PHF20: variants seen among roughly 807,000 people sequenced by gnomAD.
PHF20 encodes the protein PHD finger protein 20.
Under a neutral mutation model 113.5 loss-of-function variants are expected in PHF20, and 23 were observed. The observed-to-expected ratio is 0.20, with a 90% CI of 0.15 to 0.29. The LOEUF is 0.29. PHF20 is among the 10% of genes least tolerant of loss of function. The pLI, the probability that PHF20 is intolerant of heterozygous loss-of-function variation, is 1.00. For missense variants in PHF20, 943 were observed against 1,219.6 expected (o/e 0.77, Z 3.38); for synonymous variants, 434 against 457.3 (o/e 0.95, Z 0.65).
chr20:35,873,398 G>C (rs928988610), intron 9 of PHF20, among the ~76,000 whole-genome samples: 2 of 151,574 alleles, frequency 1.3e-5, no homozygotes, highest in South Asian at 2.1e-4. Flanking sequence ...ACTATTTCTG[G>C]CCTAAATGTA....
At chr20:35,802,938 GA>G (rs768194320) in intron 2 of PHF20, among the ~76,000 whole-genome samples, 1,390 of 69,148 alleles carry the variant, frequency 0.02, 13 homozygotes, top group African/African-American at 0.057. Context: ...GACTCGGTCT[GA>G]AAAAAAAAAA....
rs1172669794 is a variant in PHF20, at chr20:35,904,793, C to CCTTCCTTCCTTCCTTCCTTCCTTCCTTG, written c.1561+5156_1561+5157insCCTTCCTTCCTTCCTTGCTTCCTTCCTT. On this transcript the variant is annotated intron_variant, in intron 10 of 17. Coordinates refer to ENST00000374012, the MANE Select transcript of PHF20 (RefSeq NM_016436.5). ...TCCTTCCTTCCTTCCTTCCTTCCTT[C>CCTTCCTTCCTTCCTTCCTTCCTTCCTTG]CTTCCTTCCTTTCTTTTCTTTCTTT... Among the ~76,000 whole-genome samples, 23 of 150,138 alleles carry CCTTCCTTCCTTCCTTCCTTCCTTCCTTG rather than the reference C, an allele frequency of 1.5e-4. 1 individual carries two copies. Among genetic ancestry groups the CCTTCCTTCCTTCCTTCCTTCCTTCCTTG allele is most frequent in the African/African-American group, 5.6e-4 (23 of 40,718 alleles).
At chr20:35,777,345 T>G (rs1398588900) in intron 1 of PHF20, among the ~76,000 whole-genome samples, 1 of 152,232 alleles carries the variant, frequency 6.6e-6, no homozygotes, top group East Asian at 1.9e-4. Flanking sequence ...AGCAGGTTGT[T>G]TGCCTTTGGC....
At chr20:35,846,261 C>G (rs1292598321) in intron 3 of PHF20, among the ~76,000 whole-genome samples, 2 of 151,744 alleles carry the variant, frequency 1.3e-5, no homozygotes, top group African/African-American at 4.8e-5. Flanking sequence ...CTCACTGCAA[C>G]CTCCACCTCC....
intron 9 of PHF20, among the ~76,000 whole-genome samples, chr20:35,875,952 C>T (rs1425046879): frequency 6.6e-6 from 1 of 152,078 alleles, no homozygotes; most frequent in Non-Finnish European, 1.5e-5. Flanking sequence ...TGTTAGCTAA[C>T]CTAATTATGT....
chr20:35,949,753 A>C lies in PHF20; in HGVS notation c.*2126A>C, dbSNP rs2056145586. 1 of 152,644 alleles carries C rather than the reference A, an allele frequency of 6.6e-6. No individual in the cohort carries two copies. Among genetic ancestry groups the C allele is most frequent in the Non-Finnish European group, 1.5e-5 (1 of 68,042 alleles). 9.5% of individuals were successfully genotyped at this position (152,644 alleles called of 1,614,324 possible). ...TTTGCAAACATTGCTGTTACCATTT[A>C]GAAATATGTGCACTATCAGCTGGGT... On this transcript the variant is annotated 3_prime_UTR_variant, in exon 18 of 18. Transcript: ENST00000374012.
intron 1 of PHF20, among the ~76,000 whole-genome samples, chr20:35,791,970 A>G (rs2041565034): frequency 6.6e-6 from 1 of 152,170 alleles, no homozygotes; most frequent in Non-Finnish European, 1.5e-5. Context: ...CATACAGCAG[A>G]TACATTTTAG....
chr20:35,813,154 T>C (rs547085750), intron 2 of PHF20, among the ~76,000 whole-genome samples: 1 of 152,014 alleles, frequency 6.6e-6, no homozygotes, highest in South Asian at 2.1e-4. Context: ...TATTTTTTAG[T>C]AGAGACTGGG....
At chr20:35,836,857 A>C (rs981990698) in intron 2 of PHF20, among the ~76,000 whole-genome samples, 4 of 151,628 alleles carry the variant, frequency 2.6e-5, no homozygotes, top group East Asian at 2.0e-4. Context: ...AAAAAAAAAA[A>C]AAAACTTTTA....
At chr20:35,901,969 T>C in intron 10 of PHF20, among the ~76,000 whole-genome samples, 1 of 123,518 alleles carries the variant, frequency 8.1e-6, no homozygotes, top group Non-Finnish European at 1.8e-5. Flanking sequence ...TGTGTAAACC[T>C]GAGTTCTTGT....
intron 9 of PHF20, among the ~76,000 whole-genome samples, chr20:35,885,114 A>T (rs1191587704): frequency 6.6e-6 from 1 of 152,176 alleles, no homozygotes; most frequent in South Asian, 2.1e-4. Context: ...GATTACAGGC[A>T]TGAGCCACCA....
intron 10 of PHF20, among the ~76,000 whole-genome samples, chr20:35,902,499 A>G (rs1050684742): frequency 1.2e-4 from 19 of 152,160 alleles, no homozygotes; most frequent in Non-Finnish European, 2.2e-4. Context: ...GCTAGGACAT[A>G]GTGCCTCTGC....
At chr20:35,772,262 G>A (rs920128958) in intron 1 of PHF20, among the ~76,000 whole-genome samples, 183 bp downstream of exon 1, 5 of 151,880 alleles carry the variant, frequency 3.3e-5, no homozygotes, top group Non-Finnish European at 7.4e-5. Flanking sequence ...CTGCTGCTGA[G>A]AGCGTGGCGG....
Position 35,871,757 on chromosome 20 carries a change from A to G in PHF20, c.1210A>G (p.Met404Val), listed in dbSNP as rs200469725. Reference sequence around the variant, plus strand: ...AGGCTTGGAGTTGAACTGCCCATCAATGGGAGAAAACACGATGAAAACAGA... The same window carrying G: ...AGGCTTGGAGTTGAACTGCCCATCAGTGGGAGAAAACACGATGAAAACAGA... ...AAGLELNCPS[M>V]GENTMKTEPT... Residue 404 changes from methionine (M) to valine (V), a missense_variant, in exon 9 of 18, where the codon ATG (methionine) becomes GTG (valine). Physicochemically the swap from Met to Val is conservative, Grantham distance 21. Around this residue, in one of 3 missense-constraint regions of PHF20, gnomAD observed 592 missense variants for 787.2 expected, o/e 0.75. Coordinates refer to ENST00000374012, the MANE Select transcript of PHF20 (RefSeq NM_016436.5). 6.5e-4 allele frequency: 1,056 copies of G among 1,613,882 alleles called. No homozygotes were observed. The highest frequency in any genetic ancestry group is 8.3e-4 in the Non-Finnish European group (980 of 1,179,856).
intron 10 of PHF20, among the ~76,000 whole-genome samples, chr20:35,903,393 A>C (rs1198087038): frequency 6.6e-6 from 1 of 152,130 alleles, no homozygotes; most frequent in Non-Finnish European, 1.5e-5. Flanking sequence ...ATTTGTTTAA[A>C]GTGGTCCTTT....
At chr20:35,917,689 C>G in intron 13 of PHF20, 27 bp downstream of exon 13, 1 of 1,594,562 alleles carries the variant, frequency 6.3e-7, no homozygotes, top group African/African-American at 1.3e-5. Context: ...GGAAACAGGT[C>G]TAGAGAAGCA....
chr20:35,806,383 A>G (rs577968813), intron 2 of PHF20, among the ~76,000 whole-genome samples: 6 of 134,512 alleles, frequency 4.5e-5, no homozygotes, highest in African/African-American at 1.4e-4. Flanking sequence ...CTGGTCTTGA[A>G]CTCCTGACCT....
At chr20:35,924,615 C>T (rs745937245) in intron 13 of PHF20, among the ~76,000 whole-genome samples, 9 of 151,586 alleles carry the variant, frequency 5.9e-5, no homozygotes, top group African/African-American at 7.3e-5. Flanking sequence ...ATTTTTTTGA[C>T]GGAGATTCGC....
At chr20:35,773,579 A>G (rs141042175) in intron 1 of PHF20, among the ~76,000 whole-genome samples, 4 of 152,260 alleles carry the variant, frequency 2.6e-5, no homozygotes, top group East Asian at 1.9e-4. Context: ...TGATAGGCCT[A>G]TCTTTTATCT....
Sources: gnomAD v4.1 joint callset for allele counts (sites outside exome capture counted in the v4.1 genomes callset) on GRCh38, gnomAD v4.1.1 for gene constraint, gnomAD v4.1.1 regional missense constraint, MANE v1.5 for transcripts, NCBI Gene and HGNC (gene_info 2026-07-23, HGNC 2026-07-21) for gene names.